The following SETX variants were observed in gnomAD, a reference collection of about 807,000 sequenced individuals.
SETX encodes the protein helicase senataxin.
Under a neutral mutation model 227.2 loss-of-function variants are expected in SETX, and 90 were observed. The ratio of observed to expected loss-of-function variants is 0.40; its 90% CI spans 0.33 to 0.47. The LOEUF (loss-of-function observed/expected upper bound fraction) is 0.47, where lower values mean the gene tolerates loss of function less well. SETX is among the 20% of genes least tolerant of loss of function. The pLI is 0.91. For missense variants in SETX, 3,052 were observed against 3,181.5 expected, an observed-to-expected ratio of 0.96 and a Z score of 0.98; for synonymous variants, 1,210 against 1,113.2, an observed-to-expected ratio of 1.09 and a Z score of -1.73.
intron 12 of SETX, 56 bp from the exon 13 acceptor site, chr9:132,298,368 G>A: frequency 7.4e-7 from 1 of 1,343,228 alleles, no homozygotes; most frequent in South Asian, 1.2e-5. Flanking sequence ...ATGCTGCCTA[G>A]TTGTAAAGGT....
intron 11 of SETX, among the ~76,000 whole-genome samples, chr9:132,301,102 T>G (rs1054898446): frequency 1.9e-4 from 24 of 123,572 alleles, no homozygotes; most frequent in African/African-American, 7.9e-4. Flanking sequence ...TTTTTTTTTT[T>G]TTTTTTTTGA....
intron 10 of SETX, among the ~76,000 whole-genome samples, chr9:132,321,851 AAAAAAG>A (rs895110559): frequency 3.3e-4 from 50 of 152,218 alleles, no homozygotes; most frequent in African/African-American, 1.2e-3. Context: ...CCGTCTGAAG[AAAAAAG>A]AAAAAGAAAA....
intron 6 of SETX, among the ~76,000 whole-genome samples, chr9:132,336,032 A>C (rs959205835): frequency 6.6e-6 from 1 of 152,202 alleles, no homozygotes; most frequent in Non-Finnish European, 1.5e-5. Context: ...ACTTGATGTC[A>C]GGAGTTCAAG....
In SETX at chr9:132,327,037, C is replaced by G. The variant is rs1240342860; in HGVS notation, c.4561G>C (p.Glu1521Gln). ...ACTGTATCTTTTCCATGAATTAGTT[C>G]AATGAGTTTATAATTGTCATTCTCC... ...QMENDNYKLI[E>Q]LIHGKDTVEV... is the part of the protein sequence containing the mutation. The change falls in exon 10 of 26, where the codon GAA (glutamate) becomes CAA (glutamine). Residue 1521 changes from glutamate to glutamine, a missense_variant. Physicochemically the swap from Glu to Gln is conservative, Grantham distance 29. Coordinates refer to ENST00000224140, the MANE Select transcript of SETX (RefSeq NM_015046.7). The G allele has an allele frequency of 3.1e-6, 5 of 1,614,148 alleles. No homozygotes were observed. The highest frequency in any genetic ancestry group is 1.1e-5 in the South Asian group (1 of 91,074).
intron 10 of SETX, among the ~76,000 whole-genome samples, 162 bp downstream of exon 10, chr9:132,326,162 G>A (rs987571970): frequency 6.6e-6 from 1 of 151,714 alleles, no homozygotes; most frequent in Non-Finnish European, 1.5e-5. Context: ...CCGCCTCCTG[G>A]GTTTAAGCAA....
In SETX at chr9:132,264,631, C is replaced by CA. The variant is rs1039417117; in HGVS notation, c.7641dup (p.Glu2548Ter). Reference sequence around the variant, plus strand: ...CAAAGGAATATTCCTCCTTTGACCTCAATGCCCATCCTCTTCAGCAGTCGT... The same window carrying CA: ...CAAAGGAATATTCCTCCTTTGACCTCAAATGCCCATCCTCTTCAGCAGTCGT... On this transcript the variant is annotated frameshift_variant, in exon 26 of 26. Coordinates refer to ENST00000224140, the MANE Select transcript of SETX (RefSeq NM_015046.7). LOFTEE classifies it low-confidence loss of function (END_TRUNC). 4.3e-6 allele frequency: 7 copies of CA among 1,614,126 alleles called. No homozygotes were observed. The highest frequency in any genetic ancestry group is 5.9e-6 in the Non-Finnish European group (7 of 1,180,062).
rs1377826350 is a variant in SETX, at chr9:132,283,043, A to G, written c.6546+221T>C. The G allele has an allele frequency of 2.1e-5, 12 of 566,270 alleles. No homozygotes were observed. The East Asian group carries it at 3.8e-4, about 18-fold the overall frequency. 35.1% of individuals were successfully genotyped at this position (566,270 alleles called of 1,614,324 possible). A position where few individuals can be genotyped will look rare whatever the true frequency, so the allele number is the denominator to read the frequency against. Reference sequence around the variant, plus strand: ...AGCAGAGATTTTGTTAGAAACCATCAGTCATCCTCAAGACTAACCCCCAAT... The same window carrying G: ...AGCAGAGATTTTGTTAGAAACCATCGGTCATCCTCAAGACTAACCCCCAAT... On this transcript the variant is annotated intron_variant, in intron 19 of 25. Coordinates refer to ENST00000224140, the MANE Select transcript of SETX (RefSeq NM_015046.7).
intron 18 of SETX, among the ~76,000 whole-genome samples, chr9:132,285,752 C>T (rs1210835626): frequency 6.0e-5 from 9 of 150,414 alleles, no homozygotes; most frequent in Non-Finnish European, 1.0e-4. Context: ...TGGTGGCGCA[C>T]ACCTGTAGTC....
intron 10 of SETX, among the ~76,000 whole-genome samples, chr9:132,323,184 G>A (rs980428467): frequency 1.3e-5 from 2 of 152,032 alleles, no homozygotes; most frequent in Non-Finnish European, 2.9e-5. Context: ...CCAACCCAAG[G>A]ATAAGGACTA....
chr9:132,288,848 C>A (rs1035636704), intron 15 of SETX, among the ~76,000 whole-genome samples, 197 bp from the exon 16 acceptor site: 3 of 152,164 alleles, frequency 2.0e-5, no homozygotes, highest in Non-Finnish European at 4.4e-5. Context: ...CCTAACAATC[C>A]TATAAGGCAA....
chr9:132,321,177 TG>T (rs1846304672), intron 10 of SETX, among the ~76,000 whole-genome samples: 1 of 152,182 alleles, frequency 6.6e-6, no homozygotes, highest in Non-Finnish European at 1.5e-5. Flanking sequence ...GTAAAATATG[TG>T]ACGATTCTTT....
At chr9:132,338,499 G>A (rs1029131012) in intron 5 of SETX, among the ~76,000 whole-genome samples, 2 of 152,222 alleles carry the variant, frequency 1.3e-5, no homozygotes, top group Middle Eastern at 6.8e-3. Flanking sequence ...CTAAATGGAC[G>A]TGACAGCTAA....
At chr9:132,282,817 G>GT (rs3215855) in intron 19 of SETX, 13,002 of 170,912 alleles carry the variant, frequency 0.076, 1,008 homozygotes, top group East Asian at 0.38. Flanking sequence ...CAATTCTCTG[G>GT]TATCTCCTGC....
At chr9:132,350,170 T>TTG (rs1848529527) in intron 2 of SETX, among the ~76,000 whole-genome samples, 1 of 152,128 alleles carries the variant, frequency 6.6e-6, no homozygotes, top group Admixed American at 6.5e-5. Context: ...CTGGCCAACA[T>TTG]GGTGAAACCC....
chr9:132,336,484 T>G lies in SETX; in HGVS notation c.530A>C (p.Asn177Thr). ...VRRWAILTAR[N>T]LGKVDRDDYY... ...ATCATCTCTGTCCACTTTCCCCAAG[T>G]TTCTTGCAGTCAAGATAGCCCAACG... The change falls in exon 6 of 26, where the codon AAC becomes ACC. Residue 177 changes from asparagine (N) to threonine (T), a missense_variant. Asn to Thr is a moderately conservative substitution (Grantham distance 65). This residue lies in a region of SETX where 239 missense variants were observed against 240.8 expected (regional missense o/e 0.99). Coordinates refer to ENST00000224140, the MANE Select transcript of SETX (RefSeq NM_015046.7). 1 of 1,614,158 alleles carries G rather than the reference T, an allele frequency of 6.2e-7. No individual in the cohort carries two copies. The highest frequency in any genetic ancestry group is 8.5e-7 in the Non-Finnish European group (1 of 1,180,020).
chr9:132,297,578 A>C (rs1844745488), intron 13 of SETX, among the ~76,000 whole-genome samples: 1 of 152,230 alleles, frequency 6.6e-6, no homozygotes, highest in South Asian at 2.1e-4. Flanking sequence ...CATTAAATCT[A>C]GGATTCCTTA....
At chr9:132,323,802 C>T (rs1846528588) in intron 10 of SETX, among the ~76,000 whole-genome samples, 1 of 151,838 alleles carries the variant, frequency 6.6e-6, no homozygotes, top group South Asian at 2.1e-4. Context: ...ATTCAAGAGG[C>T]TGTGGTGGAA....
At chr9:132,316,808 G>GT (rs1310362638) in intron 10 of SETX, among the ~76,000 whole-genome samples, 2 of 152,146 alleles carry the variant, frequency 1.3e-5, no homozygotes, top group African/African-American at 2.4e-5. Context: ...TGCCACTCTC[G>GT]TATGTGTCTA....
intron 11 of SETX, among the ~76,000 whole-genome samples, chr9:132,305,546 T>C (rs574103868): frequency 1.3e-5 from 2 of 152,142 alleles, no homozygotes; most frequent in African/African-American, 4.8e-5. Context: ...GCAATGAGAT[T>C]TATCAACGTC....
Sources: allele counts gnomAD v4.1 joint callset (sites outside exome capture counted in the v4.1 genomes callset), GRCh38; gene constraint gnomAD v4.1.1; regional missense constraint gnomAD v4.1.1; transcripts MANE v1.5; gene names NCBI Gene and HGNC (gene_info 2026-07-23, HGNC 2026-07-21).